The following SERPINB10 variants were observed in gnomAD, a reference collection of about 807,000 sequenced individuals.
SERPINB10 encodes the protein serpin family B member 10.
SERPINB10 carries 35 observed loss-of-function variants against 39.1 expected under a neutral mutation model. That is an observed-to-expected ratio of 0.90 (90% CI 0.68 to 1.19). SERPINB10 has a LOEUF of 1.19. SERPINB10 is among the 50% of genes most tolerant of loss of function. SERPINB10 has a pLI of 0.00. For missense variants in SERPINB10, 546 were observed against 460.5 expected (o/e 1.19, Z -1.70); for synonymous variants, 190 against 158.1 (o/e 1.20, Z -1.52).
At chr18:63,911,446 T>C (rs1300348985) in intron 1 of SERPINB10, among the ~76,000 whole-genome samples, 1 of 151,956 alleles carries the variant, frequency 6.6e-6, no homozygotes, top group Non-Finnish European at 1.5e-5. Flanking sequence ...TATCTTTAGT[T>C]AATTTTTGTA....
intron 6 of SERPINB10, among the ~76,000 whole-genome samples, chr18:63,931,968 T>C (rs1374086141): frequency 6.6e-6 from 1 of 152,158 alleles, no homozygotes; most frequent in Non-Finnish European, 1.5e-5. Flanking sequence ...GTTTGTACAG[T>C]TTTGGCTTTT....
rs1483899852 is a variant in SERPINB10, at chr18:63,934,824, T to C, written c.790-14T>C. ...GAATTACTGATTCTTTCTTTCTTGG[T>C]TCCAAATGGGCAGCTGGAAAAGGCC... On this transcript the variant is annotated splice_polypyrimidine_tract_variant and intron_variant, in intron 7 of 7. Transcript: ENST00000238508. The C allele has an allele frequency of 1.3e-6, 2 of 1,580,098 alleles. No homozygotes were observed. The highest frequency in any genetic ancestry group is 1.2e-5 in the South Asian group (1 of 85,564).
intron 7 of SERPINB10, among the ~76,000 whole-genome samples, chr18:63,933,778 C>G (rs969471183): frequency 1.3e-5 from 2 of 152,198 alleles, no homozygotes; most frequent in Non-Finnish European, 2.9e-5. Flanking sequence ...AATCTGGACA[C>G]AACTTTTGTC....
intron 5 of SERPINB10, among the ~76,000 whole-genome samples, chr18:63,923,783 C>G (rs141019686): frequency 5.3e-5 from 8 of 152,046 alleles, no homozygotes; most frequent in Non-Finnish European, 1.2e-4. Flanking sequence ...ATTTCACAAT[C>G]TATCCTATCT....
Position 63,912,414 on chromosome 18 carries a change from G to A in SERPINB10, c.-9-3088G>A, listed in dbSNP as rs372311141. ...TTGCCTATTCAGTATGATATTGGCT[G>A]TGGGTTTGTTACAGATAGCTCTTAT... On this transcript the variant is annotated intron_variant, in intron 1 of 7. Transcript: ENST00000238508. Among the ~76,000 whole-genome samples the A allele has an allele frequency of 9.2e-5, 14 of 152,036 alleles. 1 individual carries two copies. Among genetic ancestry groups the A allele is most frequent in the Admixed American group, 7.2e-4 (11 of 15,236 alleles).
intron 6 of SERPINB10, among the ~76,000 whole-genome samples, chr18:63,931,319 T>G (rs1165452408): frequency 2.6e-5 from 4 of 152,182 alleles, no homozygotes; most frequent in African/African-American, 7.2e-5. Flanking sequence ...TCATATTCAG[T>G]CTTCAAGCTT....
At chr18:63,918,441 C>T (rs754088596) in intron 4 of SERPINB10, among the ~76,000 whole-genome samples, 1 of 152,000 alleles carries the variant, frequency 6.6e-6, no homozygotes, top group Non-Finnish European at 1.5e-5. Flanking sequence ...CACATCAAGA[C>T]TTTACAGACT....
chr18:63,934,377 A>C (rs1224129054), intron 7 of SERPINB10, among the ~76,000 whole-genome samples: 1 of 152,168 alleles, frequency 6.6e-6, no homozygotes, highest in African/African-American at 2.4e-5. Flanking sequence ...TTAGTCTATA[A>C]TTATTAATCT....
chr18:63,929,177 C>T (rs182345171), intron 5 of SERPINB10, among the ~76,000 whole-genome samples: 4 of 152,224 alleles, frequency 2.6e-5, no homozygotes, highest in African/African-American at 9.6e-5. Flanking sequence ...TTTCCACCTT[C>T]TCTTAATCTC....
chr18:63,932,660 ATT>A (rs1163429184), intron 6 of SERPINB10, among the ~76,000 whole-genome samples: 2 of 152,118 alleles, frequency 1.3e-5, no homozygotes, highest in African/African-American at 4.8e-5. Context: ...TTGTCTTTGC[ATT>A]CTCTTAGTGA....
At chr18:63,927,659 T>A (rs537641133) in intron 5 of SERPINB10, among the ~76,000 whole-genome samples, 33 of 152,232 alleles carry the variant, frequency 2.2e-4, no homozygotes, top group African/African-American at 7.0e-4. Context: ...TCTATCACAC[T>A]GAACATTAGG....
In SERPINB10 at chr18:63,933,029, GTTT is replaced by G. The variant is rs751956472; in HGVS notation, c.634-14_634-12del. 1.9e-6 allele frequency: 3 copies of G among 1,599,554 alleles called. No individual in the cohort carries two copies. In the African/African-American group the frequency reaches 4.1e-5, roughly 22 times the overall value. On this transcript the variant is annotated splice_polypyrimidine_tract_variant and intron_variant, in intron 6 of 7. Coordinates refer to ENST00000238508, the MANE Select transcript of SERPINB10 (RefSeq NM_005024.3). The stretch of plus-strand genomic sequence containing the variant: ...CAATGACCTTGTTACCTGTTTTTTT[GTTT>G]TTTTGTTTTTTTTAGACTACAAGCA...
chr18:63,917,248 G>A (rs1212218588), intron 2 of SERPINB10, among the ~76,000 whole-genome samples: 3 of 151,892 alleles, frequency 2.0e-5, no homozygotes, highest in African/African-American at 4.8e-5. Flanking sequence ...AAAGAGACTA[G>A]CAACTTAAAT....
chr18:63,924,635 A>G (rs1463619223), intron 5 of SERPINB10, among the ~76,000 whole-genome samples: 3 of 151,962 alleles, frequency 2.0e-5, no homozygotes, highest in African/African-American at 7.2e-5. Flanking sequence ...CATTAATCTC[A>G]TTGATGTTCC....
chr18:63,935,108 G>C lies in SERPINB10; in HGVS notation c.1060G>C (p.Gly354Arg). The change falls in exon 8 of 8, where the codon GGC becomes CGC. Residue 354 changes from glycine to arginine, a missense_variant. Transcript: ENST00000238508. Reference protein sequence around the residue: ...INEQGTEAAAGSGSEIDIRIR... With the variant: ...INEQGTEAAARSGSEIDIRIR... ...TGAACAAGGTACTGAAGCTGCAGCT[G>C]GCAGTGGGAGTGAGATAGATATACG... 3.7e-6 allele frequency: 6 copies of C among 1,613,986 alleles called. No homozygotes were observed. In the South Asian group the frequency reaches 5.5e-5, roughly 15 times the overall value.
At position 63,935,153 on chromosome 18, in the gene SERPINB10, GA is replaced by G. The variant is rs1487683805; in HGVS notation, c.1107del (p.Glu369AspfsTer44). The G allele has an allele frequency of 6.2e-7, 1 of 1,613,248 alleles. No homozygotes were observed. Among genetic ancestry groups the G allele is most frequent in the Non-Finnish European group, 8.5e-7 (1 of 1,180,018 alleles). On this transcript the variant is annotated frameshift_variant, in exon 8 of 8. Coordinates refer to ENST00000238508, the MANE Select transcript of SERPINB10 (RefSeq NM_005024.3). LOFTEE classifies it high-confidence loss of function. ...TATACGAATTAGAGTCCCATCCATT[GA>G]ATTCAATGCAAATCACCCATTCCTC... Reference protein sequence around the residue: ...IDIRIRVPSIEFNANHPFLFF... With the variant: ...IDIRIRVPSIXFNANHPFLFF...
At chr18:63,911,405 A>T (rs1008082284) in intron 1 of SERPINB10, among the ~76,000 whole-genome samples, 6 of 151,524 alleles carry the variant, frequency 4.0e-5, no homozygotes, top group Non-Finnish European at 8.8e-5. Context: ...GGATTCTGAT[A>T]GTCTGAGATC....
chr18:63,914,489 A>T (rs1427562827), intron 1 of SERPINB10, among the ~76,000 whole-genome samples: 2 of 152,100 alleles, frequency 1.3e-5, no homozygotes. Context: ...CGTTTAACTT[A>T]TTCGAGAAAT....
In SERPINB10 at chr18:63,930,169, G is replaced by T; in HGVS notation, c.615G>T (p.Lys205Asn). The T allele has an allele frequency of 6.2e-7, 1 of 1,613,056 alleles. No homozygotes were observed. The highest frequency in any genetic ancestry group is 8.5e-7 in the Non-Finnish European group (1 of 1,179,448). ...HQFLVQNTTEKPFRINETTSK... is the reference protein window; with the variant it reads ...HQFLVQNTTENPFRINETTSK... ...TCTTAGTGCAAAACACCACAGAAAA[G>T]CCTTTTAGAATAAACGAGGTAGGAA... is the stretch of plus-strand genomic sequence containing the variant. Residue 205 changes from lysine to asparagine, a missense_variant, in exon 6 of 8, where the codon AAG (lysine) becomes AAT (asparagine). Coordinates refer to ENST00000238508, the MANE Select transcript of SERPINB10 (RefSeq NM_005024.3).
Sources: gnomAD v4.1 joint callset for allele counts (sites outside exome capture counted in the v4.1 genomes callset) on GRCh38, gnomAD v4.1.1 for gene constraint, MANE v1.5 for transcripts, NCBI Gene and HGNC (gene_info 2026-07-23, HGNC 2026-07-21) for gene names.